PPIP5K1: variants seen among roughly 807,000 people sequenced by gnomAD.
PPIP5K1 encodes inositol hexakisphosphate and diphosphoinositol-pentakisphosphate kinase 1.
In PPIP5K1, 6 loss-of-function variants were observed where a neutral mutation model predicts 27.7. The ratio of observed to expected loss-of-function variants is 0.22; its 90% CI spans 0.12 to 0.43. The LOEUF is 0.43. Ranked by LOEUF, PPIP5K1 falls within the 20% of genes least tolerant of loss-of-function variation. PPIP5K1 has a pLI of 1.00. For synonymous variants in PPIP5K1, 145 were observed against 242.6 expected (o/e 0.60, Z 3.74); for missense variants, 394 against 635.4 (o/e 0.62, Z 4.08).
At chr15:43,545,393 T>G (rs1274184157) in intron 30 of PPIP5K1, among the ~76,000 whole-genome samples, 2 of 152,154 alleles carry the variant, frequency 1.3e-5, no homozygotes, top group African/African-American at 4.8e-5. Context: ...CAGTGTAGTT[T>G]TAATTTGCAT....
intron 30 of PPIP5K1, among the ~76,000 whole-genome samples, chr15:43,558,474 C>T (rs921735596): frequency 2.0e-5 from 3 of 152,150 alleles, no homozygotes; most frequent in Non-Finnish European, 2.9e-5. Flanking sequence ...GATCCACCCG[C>T]CTAGCCCTCC....
chr15:43,554,460 T>A (rs1443219872), intron 30 of PPIP5K1, among the ~76,000 whole-genome samples: 1 of 152,134 alleles, frequency 6.6e-6, no homozygotes, highest in East Asian at 1.9e-4. Flanking sequence ...TTGTAACAAT[T>A]TTTTTACTTA....
intron 30 of PPIP5K1, among the ~76,000 whole-genome samples, chr15:43,547,930 G>A (rs1416771399): frequency 6.6e-6 from 1 of 152,108 alleles, no homozygotes; most frequent in Non-Finnish European, 1.5e-5. Context: ...TCCATAGATC[G>A]CTTTGGGGAA....
intron 30 of PPIP5K1, among the ~76,000 whole-genome samples, chr15:43,550,222 A>C (rs1595791004): frequency 6.6e-6 from 1 of 151,444 alleles, no homozygotes; most frequent in South Asian, 2.1e-4. Flanking sequence ...TGCCACCTTG[A>C]CCTCCTATGC....
At chr15:43,557,329 C>G (rs2083106792) in intron 30 of PPIP5K1, among the ~76,000 whole-genome samples, 1 of 152,132 alleles carries the variant, frequency 6.6e-6, no homozygotes. Flanking sequence ...TCCCTGTAAT[C>G]CCAGCTACTC....
intron 30 of PPIP5K1, among the ~76,000 whole-genome samples, chr15:43,542,403 A>G (rs1336169018): frequency 6.6e-6 from 1 of 151,780 alleles, no homozygotes; most frequent in Non-Finnish European, 1.5e-5. Flanking sequence ...GCGATCCTCC[A>G]ACCTCAGCTT....
rs1288274402 is a variant in PPIP5K1, at chr15:43,579,651, A to T, written c.1062-531T>A. On this transcript the variant is annotated intron_variant, in intron 10 of 31. Transcript: ENST00000420765. ...TGTGTGTATATATATATATATATAT[A>T]TATTTTTTTTTTTTTTTTTTTTTTT... Among the ~76,000 whole-genome samples, 53 of 54,040 alleles carry T rather than the reference A, an allele frequency of 9.8e-4. 1 individual carries two copies. Among genetic ancestry groups the T allele is most frequent in the Admixed American group, 1.6e-3 (7 of 4,486 alleles). 35.5% of individuals were successfully genotyped at this position (54,040 alleles called of 152,430 possible).
At chr15:43,547,380 A>G (rs1479546292) in intron 30 of PPIP5K1, among the ~76,000 whole-genome samples, 2 of 152,140 alleles carry the variant, frequency 1.3e-5, no homozygotes, top group Non-Finnish European at 2.9e-5. Flanking sequence ...GGTGAAGTCT[A>G]ATTATTTTTT....
intron 30 of PPIP5K1, among the ~76,000 whole-genome samples, chr15:43,555,723 G>A (rs966902707): frequency 8.6e-5 from 13 of 151,226 alleles, no homozygotes; most frequent in African/African-American, 3.2e-4. Context: ...CTCCTGCCTC[G>A]GCCTCCCAAG....
intron 30 of PPIP5K1, among the ~76,000 whole-genome samples, chr15:43,542,986 T>C (rs1219782559): frequency 6.6e-6 from 1 of 151,980 alleles, no homozygotes; most frequent in Non-Finnish European, 1.5e-5. Flanking sequence ...AATTATTCTT[T>C]TTAATGCCCA....
rs2079605203 is a variant in PPIP5K1 at position 43,534,784 on chromosome 15, A to G, written c.4363T>C (p.Ser1455Pro). Reference sequence around the variant, plus strand: ...CCCTGAGATAACAGATTGATCGCAGAAGTCTCCTGGGCCAGCCTGCCAACC... The same window carrying G: ...CCCTGAGATAACAGATTGATCGCAGGAGTCTCCTGGGCCAGCCTGCCAACC... ...VEVGRLAQET[S>P]AINLLSQGIP... The change falls in exon 32 of 32, where the codon TCT becomes CCT. Residue 1455 changes from serine to proline, a missense_variant. By Grantham distance (74) the Ser-to-Pro change is moderately conservative. Around this residue, in one of 4 missense-constraint regions of PPIP5K1, gnomAD observed 379 missense variants for 423.9 expected, o/e 0.89. Transcript: ENST00000420765. 1.3e-6 allele frequency: 2 copies of G among 1,587,218 alleles called. No homozygotes were observed. Among genetic ancestry groups the G allele is most frequent in the Non-Finnish European group, 1.7e-6 (2 of 1,167,756 alleles).
chr15:43,536,338 G>C (rs535526093), intron 31 of PPIP5K1: 34 of 262,048 alleles, frequency 1.3e-4, no homozygotes, highest in Non-Finnish European at 2.4e-4. Flanking sequence ...TGAATCACTT[G>C]AACCCCAGAG....
intron 29 of PPIP5K1, 79 bp from the exon 30 acceptor site, chr15:43,559,011 C>A: frequency 6.4e-7 from 1 of 1,567,060 alleles, no homozygotes; most frequent in Non-Finnish European, 8.7e-7. Flanking sequence ...ATGGAGAGTC[C>A]CTGAGAGCCA....
intron 30 of PPIP5K1, among the ~76,000 whole-genome samples, chr15:43,549,057 AT>A (rs1237611360): frequency 0.011 from 431 of 41,002 alleles, 10 homozygotes; most frequent in Non-Finnish European, 0.012. Flanking sequence ...AAAAAAAAAA[AT>A]ATATATATAT....
intron 30 of PPIP5K1, among the ~76,000 whole-genome samples, chr15:43,555,605 TTTA>T (rs2082836387): frequency 6.7e-6 from 1 of 150,270 alleles, no homozygotes; most frequent in African/African-American, 2.5e-5. Context: ...TTTGTTTGTT[TTTA>T]TTATTACCAT....
intron 30 of PPIP5K1, among the ~76,000 whole-genome samples, chr15:43,556,958 T>A (rs1206284069): frequency 6.6e-6 from 1 of 152,236 alleles, no homozygotes; most frequent in Non-Finnish European, 1.5e-5. Flanking sequence ...TCTCACAATG[T>A]TGGTTCTAGC....
chr15:43,558,518 G>A (rs907986458), intron 30 of PPIP5K1, among the ~76,000 whole-genome samples: 3 of 152,060 alleles, frequency 2.0e-5, no homozygotes, highest in East Asian at 1.9e-4. Flanking sequence ...GAGCCACTGC[G>A]CCCGGCCTTA....
At chr15:43,540,124 T>C (rs1244013515) in intron 30 of PPIP5K1, among the ~76,000 whole-genome samples, 2 of 151,918 alleles carry the variant, frequency 1.3e-5, no homozygotes, top group Non-Finnish European at 2.9e-5. Flanking sequence ...TGGTGGCACA[T>C]GCCTGTAATC....
chr15:43,556,094 C>A (rs1401313503), intron 30 of PPIP5K1, among the ~76,000 whole-genome samples: 1 of 152,056 alleles, frequency 6.6e-6, no homozygotes, highest in South Asian at 2.1e-4. Context: ...TCAAGTCAGG[C>A]GGATCACGAG....
Sources: gnomAD v4.1 joint callset for allele counts (sites outside exome capture counted in the v4.1 genomes callset) on GRCh38, gnomAD v4.1.1 for gene constraint, gnomAD v4.1.1 regional missense constraint, MANE v1.5 for transcripts, NCBI Gene and HGNC (gene_info 2026-07-23, HGNC 2026-07-21) for gene names.